SLC8A3: variants seen among roughly 807,000 people sequenced by gnomAD.
SLC8A3 encodes the protein sodium/calcium exchanger 3.
In SLC8A3, 37 loss-of-function variants were observed where a neutral mutation model predicts 65.4. The observed-to-expected ratio is 0.57, with a 90% CI of 0.44 to 0.74. The LOEUF (loss-of-function observed/expected upper bound fraction) is 0.74. Ranked by LOEUF, SLC8A3 falls within the 30% of genes least tolerant of loss-of-function variation. SLC8A3 has a pLI of 0.00. For synonymous variants in SLC8A3, 461 were observed against 444.5 expected (o/e 1.04, Z -0.47); for missense variants, 1,112 against 1,172.1 (o/e 0.95, Z 0.75).
intron 2 of SLC8A3, among the ~76,000 whole-genome samples, chr14:70,097,448 T>C (rs1198738294): frequency 6.6e-6 from 1 of 152,192 alleles, no homozygotes; most frequent in Non-Finnish European, 1.5e-5. Flanking sequence ...AATCTAGGAC[T>C]GCAGATTCTC....
intron 2 of SLC8A3, among the ~76,000 whole-genome samples, chr14:70,148,884 T>A (rs1441820040): frequency 6.6e-6 from 1 of 152,124 alleles, no homozygotes; most frequent in Admixed American, 6.5e-5. Context: ...GGCGTGAATA[T>A]GACAAGTAGG....
chr14:70,135,295 T>C (rs1895116167), intron 2 of SLC8A3, among the ~76,000 whole-genome samples: 1 of 152,186 alleles, frequency 6.6e-6, no homozygotes, highest in Non-Finnish European at 1.5e-5. Context: ...TTGGTGGGAA[T>C]GTAAGTAATA....
chr14:70,095,809 T>C (rs1463684743), intron 2 of SLC8A3, among the ~76,000 whole-genome samples: 2 of 152,160 alleles, frequency 1.3e-5, no homozygotes, highest in Non-Finnish European at 2.9e-5. Context: ...TACTGGCAAC[T>C]TCCCAGTTCC....
intron 2 of SLC8A3, among the ~76,000 whole-genome samples, chr14:70,121,861 C>A (rs1193718659): frequency 6.6e-6 from 1 of 152,036 alleles, no homozygotes; most frequent in Non-Finnish European, 1.5e-5. Flanking sequence ...ACAAACAATT[C>A]TGTCAGCTCC....
At chr14:70,085,806 C>T (rs67588351) in intron 2 of SLC8A3, among the ~76,000 whole-genome samples, 28,720 of 151,976 alleles carry the variant, frequency 0.19, 2,843 homozygotes, top group Non-Finnish European at 0.22. Flanking sequence ...TTAATATGCT[C>T]CAGGCACTAC....
chr14:70,120,561 T>A (rs1172779589), intron 2 of SLC8A3, among the ~76,000 whole-genome samples: 1 of 152,220 alleles, frequency 6.6e-6, no homozygotes, highest in East Asian at 1.9e-4. Flanking sequence ...TAGCAGTACA[T>A]GCCTGTAAAA....
At chr14:70,124,916 T>C (rs960426959) in intron 2 of SLC8A3, among the ~76,000 whole-genome samples, 3 of 152,216 alleles carry the variant, frequency 2.0e-5, no homozygotes, top group African/African-American at 7.2e-5. Flanking sequence ...GGGATGAGGG[T>C]TGGAAGAAGG....
Position 70,045,767 on chromosome 14 carries a change from T to C in SLC8A3, c.*180A>G. ...AGTCGGTGATTCCTCCATTGTTTGA[T>C]TGATTAAGACTTTGCCCTTTCAGTT... On this transcript the variant is annotated 3_prime_UTR_variant, in exon 7 of 7. Coordinates refer to ENST00000356921, the MANE Select transcript of SLC8A3 (RefSeq NM_182932.3). 5.5e-6 allele frequency: 3 copies of C among 546,296 alleles called. No homozygotes were observed. Among genetic ancestry groups the C allele is most frequent in the South Asian group, 3.4e-5 (1 of 29,608 alleles). The allele number at this position is 546,296 out of a possible 1,614,324, so 33.8% of individuals were successfully genotyped here. A position where few individuals can be genotyped will look rare whatever the true frequency, so the allele number is the denominator to read the frequency against.
Position 70,045,873 on chromosome 14 carries a change from G to T in SLC8A3, c.*74C>A. 7.1e-7 allele frequency: 1 copy of T among 1,400,274 alleles called. No homozygotes were observed. Among genetic ancestry groups the T allele is most frequent in the East Asian group, 2.4e-5 (1 of 41,098 alleles). 86.7% of individuals were successfully genotyped at this position (1,400,274 alleles called of 1,614,324 possible). ...TCTCCAGGGCAGTGCAGTCGGGAGA[G>T]ATCACTGGTGGGGAAGTGCCCTTCT... is the stretch of plus-strand genomic sequence containing the variant. On this transcript the variant is annotated 3_prime_UTR_variant, in exon 7 of 7. Transcript: ENST00000356921.
At chr14:70,184,219 A>T (rs908009256) in intron 1 of SLC8A3, among the ~76,000 whole-genome samples, 1 of 152,162 alleles carries the variant, frequency 6.6e-6, no homozygotes, top group African/African-American at 2.4e-5. Context: ...CTGGGTTTCT[A>T]TACAGCTTCC....
intron 1 of SLC8A3, among the ~76,000 whole-genome samples, chr14:70,174,212 T>C (rs1273028958): frequency 6.6e-6 from 1 of 152,192 alleles, no homozygotes. Context: ...GGCTGAGTCT[T>C]TCTAGATGTG....
chr14:70,126,718 G>A (rs1184700264), intron 2 of SLC8A3, among the ~76,000 whole-genome samples: 1 of 151,800 alleles, frequency 6.6e-6, no homozygotes, highest in African/African-American at 2.4e-5. Flanking sequence ...TTAGCATGCT[G>A]ATATCATCCC....
chr14:70,155,212 C>T (rs555462958), intron 2 of SLC8A3, among the ~76,000 whole-genome samples: 35 of 152,236 alleles, frequency 2.3e-4, no homozygotes, highest in African/African-American at 6.0e-4. Context: ...TGAGCAACCA[C>T]GCCCAGCTGA....
chr14:70,063,480 A>T (rs1217797802), intron 2 of SLC8A3, among the ~76,000 whole-genome samples: 1 of 152,204 alleles, frequency 6.6e-6, no homozygotes. Context: ...ATGCCCAGCC[A>T]TTCTGGAGAA....
At chr14:70,101,533 G>A (rs1892553433) in intron 2 of SLC8A3, among the ~76,000 whole-genome samples, 1 of 152,104 alleles carries the variant, frequency 6.6e-6, no homozygotes, top group Non-Finnish European at 1.5e-5. Flanking sequence ...AGAAGATGTT[G>A]TAGATCACAA....
At chr14:70,051,915 A>T (rs114016530) in intron 4 of SLC8A3, 75 bp downstream of exon 4, 1 of 1,341,450 alleles carries the variant, frequency 7.5e-7, no homozygotes, top group Non-Finnish European at 1.0e-6. Flanking sequence ...GTGAAAGTGG[A>T]AAAAAACACC....
chr14:70,177,564 T>C (rs1897983821), intron 1 of SLC8A3, among the ~76,000 whole-genome samples: 1 of 152,040 alleles, frequency 6.6e-6, no homozygotes, highest in Non-Finnish European at 1.5e-5. Flanking sequence ...CAGGAGTTAA[T>C]TGGGTGGAAG....
chr14:70,089,627 G>C (rs1016740732), intron 2 of SLC8A3, among the ~76,000 whole-genome samples: 1 of 152,154 alleles, frequency 6.6e-6, no homozygotes, highest in Non-Finnish European at 1.5e-5. Flanking sequence ...ACAGAGCCAG[G>C]AAACACAGAT....
chr14:70,060,440 G>A (rs1888656890), intron 3 of SLC8A3, among the ~76,000 whole-genome samples: 1 of 152,152 alleles, frequency 6.6e-6, no homozygotes, highest in African/African-American at 2.4e-5. Flanking sequence ...ACCCACCAAG[G>A]AATTTTCACA....
Sources: gnomAD v4.1 joint callset for allele counts (sites outside exome capture counted in the v4.1 genomes callset) on GRCh38, gnomAD v4.1.1 for gene constraint, MANE v1.5 for transcripts, NCBI Gene and HGNC (gene_info 2026-07-23, HGNC 2026-07-21) for gene names.